ARID3A: variants seen among roughly 807,000 people sequenced by gnomAD.
ARID3A encodes AT-rich interactive domain-containing protein 3A.
In ARID3A, 11 loss-of-function variants were observed where a neutral mutation model predicts 52.7. That is an observed-to-expected ratio of 0.21 (90% confidence interval 0.13 to 0.35). ARID3A has a LOEUF of 0.35. Ranked by LOEUF, ARID3A falls within the 10% of genes least tolerant of loss-of-function variation. The pLI is 1.00. For missense variants in ARID3A, 721 were observed against 838.5 expected (o/e 0.86, Z 1.73); for synonymous variants, 404 against 359.4 (o/e 1.12, Z -1.40).
intron 4 of ARID3A, among the ~76,000 whole-genome samples, chr19:963,525 G>A: frequency 6.6e-6 from 1 of 152,176 alleles, no homozygotes; most frequent in Non-Finnish European, 1.5e-5. Context: ...CCCTGGAGGG[G>A]GCAGGTAGGG....
At position 942,490 on chromosome 19, in the gene ARID3A, G is replaced by A. The variant is rs1009606201; in HGVS notation, c.693+9748G>A. Among the ~76,000 whole-genome samples, 11 of 152,214 alleles carry A rather than the reference G, an allele frequency of 7.2e-5. No homozygotes were observed. The East Asian group carries it at 1.2e-3, about 16-fold the overall frequency. ...CGGACCGCCTCTTCTCCGCTCTGCC[G>A]GCTGCACATGGCCAGAGGACAATTG... On this transcript the variant is annotated intron_variant, in intron 3 of 8. Coordinates refer to ENST00000263620, the MANE Select transcript of ARID3A (RefSeq NM_005224.3). The surrounding 1 kb of genome is among the most constrained non-coding windows in gnomAD (Gnocchi z 8.1).
rs113443478 is a variant in ARID3A at position 953,742 on chromosome 19, G to A, written c.694-6350G>A. Reference sequence around the variant, plus strand: ...CATTCCAGGCAGAAGGAACAGCGCCGCGGAGGCCCTGGGGTGGGGGCCTGT... The same window carrying A: ...CATTCCAGGCAGAAGGAACAGCGCCACGGAGGCCCTGGGGTGGGGGCCTGT... On this transcript the variant is annotated intron_variant, in intron 3 of 8. Transcript: ENST00000263620. Among the ~76,000 whole-genome samples the A allele has an allele frequency of 5.2e-3, 794 of 152,214 alleles. 10 individuals are homozygous for A. Among genetic ancestry groups the A allele is most frequent in the African/African-American group, 0.016 (680 of 41,530 alleles).
chr19:946,398 A>C (rs2037681365), intron 3 of ARID3A, among the ~76,000 whole-genome samples: 1 of 141,952 alleles, frequency 7.0e-6, no homozygotes, highest in Admixed American at 7.1e-5. Context: ...AGTAGCTGGG[A>C]TTACAAGCGT....
Position 929,400 on chromosome 19 carries a change from G to A in ARID3A, c.-129G>A, listed in dbSNP as rs1158057208. The A allele has an allele frequency of 1.8e-4, 101 of 551,904 alleles. No individual in the cohort carries two copies. Among genetic ancestry groups the A allele is most frequent in the Non-Finnish European group, 1.9e-4 (79 of 418,570 alleles). The allele number at this position is 551,904 out of a possible 1,614,324, so 34.2% of individuals were successfully genotyped here. On this transcript the variant is annotated 5_prime_UTR_variant, in exon 2 of 9. Coordinates refer to ENST00000263620, the MANE Select transcript of ARID3A (RefSeq NM_005224.3). The surrounding 1 kb of genome is among the most constrained non-coding windows in gnomAD (Gnocchi z 6.2). ...GCCCCCTGCCACCCTGCACTGCCCC[G>A]GCTCCCCCGCGGCCCCCACGCTGCA...
intron 3 of ARID3A, among the ~76,000 whole-genome samples, chr19:949,014 G>A (rs1432127402): frequency 2.0e-5 from 3 of 152,136 alleles, no homozygotes; most frequent in Admixed American, 2.0e-4. Flanking sequence ...ACCGCGCGTG[G>A]CCATCCTGGA....
intron 3 of ARID3A, among the ~76,000 whole-genome samples, chr19:934,747 G>A (rs556337867): frequency 2.0e-5 from 3 of 152,050 alleles, no homozygotes; most frequent in Non-Finnish European, 4.4e-5. Flanking sequence ...CAGCGGGGGT[G>A]GGGGGAGGCC....
Position 929,472 on chromosome 19 carries a change from C to A in ARID3A, c.-57C>A. The A allele has an allele frequency of 6.8e-7, 1 of 1,467,804 alleles. No homozygotes were observed. The highest frequency in any genetic ancestry group is 9.0e-7 in the Non-Finnish European group (1 of 1,115,692). 90.9% of individuals were successfully genotyped at this position (1,467,804 alleles called of 1,614,324 possible). A position where few individuals can be genotyped will look rare whatever the true frequency, so the allele number is the denominator to read the frequency against. The stretch of plus-strand genomic sequence containing the variant: ...GCAGGGGCCGCCCCCGCCGCCCACC[C>A]CTAGCGCCCGTGGTGGTGGTGGTGG... On this transcript the variant is annotated 5_prime_UTR_variant, in exon 2 of 9. Transcript: ENST00000263620. The surrounding 1 kb of genome is among the most constrained non-coding windows in gnomAD (Gnocchi z 6.2).
chr19:944,313 G>A lies in ARID3A; in HGVS notation c.693+11571G>A, dbSNP rs114911057. On this transcript the variant is annotated intron_variant, in intron 3 of 8. Transcript: ENST00000263620. This position sits in a 1 kb window ranked among gnomAD's most constrained non-coding sequence, Gnocchi z 5.9. ...GCTCCCCGTGTGTCTGGCTGCAGGG[G>A]CGCGTCCAGGGGGTGTGTGTGTGTG... Among the ~76,000 whole-genome samples the A allele has an allele frequency of 6.6e-6, 1 of 151,024 alleles. No homozygotes were observed. The highest frequency in any genetic ancestry group is 1.5e-5 in the Non-Finnish European group (1 of 67,890).
chr19:948,054 T>C (rs1479336048), intron 3 of ARID3A, among the ~76,000 whole-genome samples: 1 of 152,096 alleles, frequency 6.6e-6, no homozygotes, highest in African/African-American at 2.4e-5. Flanking sequence ...AGACGCTAGC[T>C]AAGTAAGCGC....
chr19:968,532 G>C, intron 8 of ARID3A, 29 bp downstream of exon 8: 1 of 1,602,400 alleles, frequency 6.2e-7, no homozygotes. Flanking sequence ...CGCCCTGCCT[G>C]GACCTCGCCT....
At chr19:926,236 T>G in intron 1 of ARID3A, among the ~76,000 whole-genome samples, 177 bp downstream of exon 1, 1 of 150,416 alleles carries the variant, frequency 6.6e-6, no homozygotes, top group Non-Finnish European at 1.5e-5. Flanking sequence ...CCAGCGCGGG[T>G]TCCGGTGCCG....
At position 929,994 on chromosome 19, in the gene ARID3A, G is replaced by T; in HGVS notation, c.368+98G>T. 1.4e-6 allele frequency: 2 copies of T among 1,469,072 alleles called. No homozygotes were observed. The highest frequency in any genetic ancestry group is 1.8e-6 in the Non-Finnish European group (2 of 1,104,624). 91.0% of individuals were successfully genotyped at this position (1,469,072 alleles called of 1,614,324 possible). ...AATGGGAGTAAGGGTCAGGTCGCGGGATCTCCTTCCTGTAATTCCAGCAGT... is the reference window on the plus strand; with the variant it reads ...AATGGGAGTAAGGGTCAGGTCGCGGTATCTCCTTCCTGTAATTCCAGCAGT... On this transcript the variant is annotated intron_variant, in intron 2 of 8. Transcript: ENST00000263620. The surrounding 1 kb of genome is among the most constrained non-coding windows in gnomAD (Gnocchi z 6.2).
chr19:968,514 T>C lies in ARID3A; in HGVS notation c.1594+11T>C, dbSNP rs761812985. On this transcript the variant is annotated intron_variant, in intron 8 of 8. Transcript: ENST00000263620. The stretch of plus-strand genomic sequence containing the variant: ...GCATCATGTACACAGGTAGGACCCC[T>C]GAGGCCACGCCCTGCCTGGACCTCG... The C allele has an allele frequency of 3.1e-6, 5 of 1,612,706 alleles. No homozygotes were observed. The highest frequency in any genetic ancestry group is 4.2e-6 in the Non-Finnish European group (5 of 1,179,182).
intron 3 of ARID3A, among the ~76,000 whole-genome samples, chr19:954,677 C>T (rs113230860): frequency 0.036 from 5,429 of 152,238 alleles, 110 homozygotes; most frequent in South Asian, 0.084. Flanking sequence ...GGGAGCAGAG[C>T]ATCTGCGGAG....
At position 947,888 on chromosome 19, in the gene ARID3A, T is replaced by A. The variant is rs758254198; in HGVS notation, c.694-12204T>A. On this transcript the variant is annotated intron_variant, in intron 3 of 8. Coordinates refer to ENST00000263620, the MANE Select transcript of ARID3A (RefSeq NM_005224.3). The surrounding 1 kb of genome is among the most constrained non-coding windows in gnomAD (Gnocchi z 6.3). Reference sequence around the variant, plus strand: ...CCCACGCCCGGCGGGGCTCTCAGCATCTGCATCCGCCGAGGCCTGGCTGTG... The same window carrying A: ...CCCACGCCCGGCGGGGCTCTCAGCAACTGCATCCGCCGAGGCCTGGCTGTG... Among the ~76,000 whole-genome samples the A allele has an allele frequency of 2.2e-4, 33 of 152,178 alleles. No homozygotes were observed. The highest frequency in any genetic ancestry group is 7.3e-5 in the Non-Finnish European group (5 of 68,030).
chr19:927,210 G>GC (rs975081006), intron 1 of ARID3A, among the ~76,000 whole-genome samples: 14 of 151,820 alleles, frequency 9.2e-5, no homozygotes, highest in Non-Finnish European at 1.9e-4. Flanking sequence ...GGATCCCTCC[G>GC]CCCCCCACCC....
chr19:959,970 AG>A lies in ARID3A; in HGVS notation c.694-119del, dbSNP rs1009669211. The A allele has an allele frequency of 2.9e-6, 2 of 698,530 alleles. No individual in the cohort carries two copies. The highest frequency in any genetic ancestry group is 3.7e-5 in the African/African-American group (2 of 53,532). The allele number at this position is 698,530 out of a possible 1,614,324, so 43.3% of individuals were successfully genotyped here. ...GGTCTTCGGCTCTGGCAGCGGCTTG[AG>A]GGTCCTAGGGGTGGTGACCCCTGCT... is the stretch of plus-strand genomic sequence containing the variant. On this transcript the variant is annotated intron_variant, in intron 3 of 8. Coordinates refer to ENST00000263620, the MANE Select transcript of ARID3A (RefSeq NM_005224.3). This position sits in a 1 kb window ranked among gnomAD's most constrained non-coding sequence, Gnocchi z 5.0.
At chr19:932,845 G>A (rs1324541705) in intron 3 of ARID3A, 103 bp downstream of exon 3, 10 of 1,496,634 alleles carry the variant, frequency 6.7e-6, no homozygotes, top group East Asian at 2.6e-5. Context: ...GCCGGGCGTC[G>A]AGTTGAGAGC....
intron 3 of ARID3A, among the ~76,000 whole-genome samples, chr19:933,735 C>T (rs2037381214): frequency 1.3e-5 from 2 of 151,976 alleles, no homozygotes; most frequent in South Asian, 4.1e-4. Context: ...GCCCTAACCC[C>T]AGCAGCCCTC....
Sources: gnomAD v4.1 joint callset for allele counts (sites outside exome capture counted in the v4.1 genomes callset) on GRCh38, gnomAD v4.1.1 for gene constraint, Gnocchi (gnomAD v3.1) non-coding constraint, MANE v1.5 for transcripts, NCBI Gene and HGNC (gene_info 2026-07-23, HGNC 2026-07-21) for gene names.